Variants in SEMA3A observed in about 807,000 individuals in gnomAD.
The protein encoded by SEMA3A is semaphorin-3A.
SEMA3A carries 29 observed loss-of-function variants against 97.9 expected under a neutral mutation model. The observed-to-expected ratio is 0.30, with a 90% confidence interval of 0.22 to 0.40. The LOEUF (loss-of-function observed/expected upper bound fraction) is 0.40, where lower values mean the gene tolerates loss of function less well. Ranked by LOEUF, SEMA3A falls within the 10% of genes least tolerant of loss-of-function variation. SEMA3A has a pLI of 1.00. For synonymous variants in SEMA3A, 321 were observed against 323.7 expected (o/e 0.99, Z 0.09); for missense variants, 763 against 951.3 (o/e 0.80, Z 2.60).
At chr7:84,064,975 G>A (rs1449451411) in intron 4 of SEMA3A, among the ~76,000 whole-genome samples, 62 of 152,222 alleles carry the variant, frequency 4.1e-4, no homozygotes, top group Admixed American at 2.3e-3. Flanking sequence ...ACATTTTTTC[G>A]GCACCACACC....
chr7:84,265,391 C>T (rs1374168910), intron 3 of SEMA3A, among the ~76,000 whole-genome samples: 6 of 149,520 alleles, frequency 4.0e-5, no homozygotes, highest in African/African-American at 1.5e-4. Flanking sequence ...TCCACTGTAA[C>T]TGCGTTCTGC....
At chr7:84,334,186 A>T (rs1171988271) in intron 2 of SEMA3A, among the ~76,000 whole-genome samples, 2 of 152,078 alleles carry the variant, frequency 1.3e-5, no homozygotes, top group African/African-American at 4.8e-5. Context: ...AAGAGTAAAT[A>T]TTTTGGATTA....
rs146484564 is a variant in SEMA3A, at chr7:84,343,371, A to G, written c.-169+28453T>C. Among the ~76,000 whole-genome samples the G allele has an allele frequency of 7.4e-3, 1,125 of 152,332 alleles. 17 individuals carry two copies. Among genetic ancestry groups the G allele is most frequent in the Admixed American group, 0.042 (643 of 15,298 alleles). On this transcript the variant is annotated intron_variant, in intron 2 of 3. Coordinates refer to the SEMA3A transcript ENST00000424555. ...TCATAGGGTGATTATAATCCAATAC[A>G]ATTTTTAGAAAGATTTGTAGGGTGG...
intron 5 of SEMA3A, among the ~76,000 whole-genome samples, chr7:84,055,307 C>T (rs1246271189): frequency 6.6e-6 from 1 of 152,208 alleles, no homozygotes; most frequent in Non-Finnish European, 1.5e-5. Context: ...CCCCGCCTCG[C>T]TGCGGCCTTG....
At chr7:84,382,481 G>GA (rs796484065) in intron 1 of SEMA3A, among the ~76,000 whole-genome samples, 5 of 150,438 alleles carry the variant, frequency 3.3e-5, no homozygotes, top group Admixed American at 2.6e-4. Flanking sequence ...GTGCCTACAT[G>GA]AAAAAAAATC....
intron 4 of SEMA3A, among the ~76,000 whole-genome samples, chr7:84,072,013 C>A (rs1181170383): frequency 4.0e-5 from 6 of 151,516 alleles, no homozygotes; most frequent in African/African-American, 7.3e-5. Context: ...GAGATGTTAG[C>A]CTACAAAATT....
At chr7:84,453,600 T>C (rs535766039) in intron 1 of SEMA3A, among the ~76,000 whole-genome samples, 53 of 152,148 alleles carry the variant, frequency 3.5e-4, no homozygotes, top group Non-Finnish European at 5.4e-4. Flanking sequence ...AATGCTACTT[T>C]CTTCTGAGTA....
chr7:84,341,278 T>A (rs897174140), intron 2 of SEMA3A, among the ~76,000 whole-genome samples: 1 of 152,248 alleles, frequency 6.6e-6, no homozygotes, highest in Non-Finnish European at 1.5e-5. Flanking sequence ...GTACCACTTA[T>A]TAAGCATTTC....
At chr7:84,077,902 T>G (rs1211596137) in intron 4 of SEMA3A, among the ~76,000 whole-genome samples, 2 of 151,972 alleles carry the variant, frequency 1.3e-5, no homozygotes, top group South Asian at 2.1e-4. Flanking sequence ...CTGAAAAATT[T>G]TAATGCCAGT....
At chr7:84,227,930 T>TG (rs1272430541) in intron 3 of SEMA3A, among the ~76,000 whole-genome samples, 4 of 149,802 alleles carry the variant, frequency 2.7e-5, no homozygotes, top group Admixed American at 6.7e-5. Flanking sequence ...TGTCAGGGAG[T>TG]GGGGGGCGGG....
chr7:84,445,218 G>A (rs1011328190), intron 1 of SEMA3A, among the ~76,000 whole-genome samples: 2 of 151,822 alleles, frequency 1.3e-5, no homozygotes, highest in African/African-American at 4.8e-5. Flanking sequence ...GAGGCCGGGT[G>A]TGGTGGCTCA....
intron 1 of SEMA3A, among the ~76,000 whole-genome samples, chr7:84,425,027 T>G (rs1315113335): frequency 9.7e-6 from 1 of 103,602 alleles, no homozygotes; most frequent in East Asian, 3.1e-4. Context: ...TATTTATATA[T>G]AATTATTTAT....
At chr7:84,383,310 A>G (rs1052671433) in intron 1 of SEMA3A, among the ~76,000 whole-genome samples, 4 of 152,162 alleles carry the variant, frequency 2.6e-5, no homozygotes, top group African/African-American at 7.2e-5. Flanking sequence ...CTGACTAATA[A>G]CTAACTTTAT....
chr7:84,470,157 A>T (rs769960684), intron 1 of SEMA3A, among the ~76,000 whole-genome samples: 1 of 152,000 alleles, frequency 6.6e-6, no homozygotes, highest in Non-Finnish European at 1.5e-5. Flanking sequence ...ACTTGTTAGG[A>T]GATTTCTTAA....
Position 84,265,453 on chromosome 7 carries a change from T to C in SEMA3A, c.-83+41754A>G, listed in dbSNP as rs895329395. ...TACATATTATATATTTTAAATATAA[T>C]ATATTATACAAGATGAATATATCTT... is the stretch of plus-strand genomic sequence containing the variant. On this transcript the variant is annotated intron_variant, in intron 3 of 3. Coordinates refer to the SEMA3A transcript ENST00000424555. 2.0e-5 allele frequency among the ~76,000 whole-genome samples: 3 copies of C among 147,594 alleles called. No individual in the cohort carries two copies. The Admixed American group carries it at 2.0e-4, about 10-fold the overall frequency.
chr7:83,965,935 T>C (rs1019426030), intron 15 of SEMA3A, among the ~76,000 whole-genome samples: 4 of 150,336 alleles, frequency 2.7e-5, no homozygotes, highest in Non-Finnish European at 5.9e-5. Flanking sequence ...CACCTCAGCC[T>C]CCCAAAGTGC....
At chr7:84,039,598 T>C (rs1792062945) in intron 6 of SEMA3A, among the ~76,000 whole-genome samples, 1 of 152,098 alleles carries the variant, frequency 6.6e-6, no homozygotes, top group Non-Finnish European at 1.5e-5. Context: ...GATTAGATGA[T>C]AAAGGACTTG....
At chr7:84,106,589 C>T (rs144020903) in intron 4 of SEMA3A, among the ~76,000 whole-genome samples, 41 of 152,194 alleles carry the variant, frequency 2.7e-4, no homozygotes, top group Admixed American at 8.5e-4. Flanking sequence ...AACTAGAAGA[C>T]GAAACTGAAG....
intron 4 of SEMA3A, among the ~76,000 whole-genome samples, chr7:84,082,051 C>T (rs548781037): frequency 9.0e-4 from 137 of 152,188 alleles, no homozygotes; most frequent in African/African-American, 3.2e-3. Flanking sequence ...TATAACACTA[C>T]AGGGAACAAG....
Sources: gnomAD v4.1 joint callset for allele counts (sites outside exome capture counted in the v4.1 genomes callset) on GRCh38, gnomAD v4.1.1 for gene constraint, MANE v1.5 for transcripts, NCBI Gene and HGNC (gene_info 2026-07-23, HGNC 2026-07-21) for gene names.